Variants in ME3 observed in about 807,000 individuals in gnomAD.
ME3 encodes malic enzyme 3, also known as NADP-dependent malic enzyme, mitochondrial.
Under a neutral mutation model 68.9 loss-of-function variants are expected in ME3, and 48 were observed. The observed-to-expected ratio is 0.70, with a 90% CI of 0.55 to 0.89. The LOEUF is 0.89. Among genes scored for constraint, ME3 ranks in the 40% least tolerant of loss-of-function variants. The probability of loss-of-function intolerance (pLI) is 0.00; values close to 1 mark genes in which losing one functional copy is unlikely to be tolerated. For missense variants in ME3, 675 were observed against 797.4 expected, an observed-to-expected ratio of 0.85 and a Z score of 1.85; for synonymous variants, 320 against 318.8, an observed-to-expected ratio of 1.00 and a Z score of -0.04.
chr11:86,653,228 C>A (rs1180185476), intron 2 of ME3, among the ~76,000 whole-genome samples: 1 of 152,086 alleles, frequency 6.6e-6, no homozygotes, highest in Non-Finnish European at 1.5e-5. Context: ...TTGAACTCAC[C>A]TCTACACCAA....
At chr11:86,598,804 G>T (rs1261473819) in intron 2 of ME3, among the ~76,000 whole-genome samples, 1 of 152,186 alleles carries the variant, frequency 6.6e-6, no homozygotes. Context: ...AAAATCCACA[G>T]TTCTGCAGAC....
chr11:86,477,021 C>T (rs1951116905), intron 7 of ME3, among the ~76,000 whole-genome samples: 1 of 152,096 alleles, frequency 6.6e-6, no homozygotes, highest in Non-Finnish European at 1.5e-5. Context: ...TGGAAACTGC[C>T]TAAATTAATA....
At chr11:86,475,874 TAGAGAG>T (rs1555206746) in intron 7 of ME3, among the ~76,000 whole-genome samples, 17 of 91,474 alleles carry the variant, frequency 1.9e-4, no homozygotes, top group East Asian at 8.2e-4. Context: ...TATATATATA[TAGAGAG>T]AGAGAGAGAG....
intron 2 of ME3, among the ~76,000 whole-genome samples, chr11:86,641,057 G>T (rs1364072655): frequency 6.6e-6 from 1 of 151,008 alleles, no homozygotes; most frequent in East Asian, 1.9e-4. Flanking sequence ...GTCAATGAAG[G>T]GCATATGTGA....
chr11:86,570,220 A>C (rs982735072), intron 2 of ME3, among the ~76,000 whole-genome samples: 1 of 152,218 alleles, frequency 6.6e-6, no homozygotes, highest in African/African-American at 2.4e-5. Context: ...CTGACTGCTT[A>C]TGCTATAACC....
chr11:86,441,092 G>C (rs1593961482), downstream of ME3: 1 of 462,076 alleles, frequency 2.2e-6, no homozygotes, highest in East Asian at 3.6e-5. Context: ...GTTCAGAAAA[G>C]TGAACTCCCA....
rs759602865 is a variant in ME3, at chr11:86,559,719, A to C, written c.288T>G (p.Tyr96Ter). ...CCAGGTCACTCTGCTGCCGCTCGTAATATCTCATGATTCGGAGGAGCTGGA... is the reference window on the plus strand; with the variant it reads ...CCAGGTCACTCTGCTGCCGCTCGTACTATCTCATGATTCGGAGGAGCTGGA... Residue 96 changes from tyrosine to a stop codon, truncating the protein, a stop_gained, in exon 3 of 15, where the codon TAT becomes TAG. Transcript: ENST00000543262. LOFTEE classifies it high-confidence loss of function. 6.2e-7 allele frequency: 1 copy of C among 1,613,872 alleles called. No homozygotes were observed. Among genetic ancestry groups the C allele is most frequent in the Non-Finnish European group, 8.5e-7 (1 of 1,179,820 alleles).
chr11:86,467,095 G>A (rs1192225105), intron 7 of ME3, among the ~76,000 whole-genome samples: 2 of 152,158 alleles, frequency 1.3e-5, no homozygotes, highest in African/African-American at 4.8e-5. Flanking sequence ...TGATATATGT[G>A]TACAGTGTGA....
At chr11:86,605,090 A>T (rs554921165) in intron 2 of ME3, among the ~76,000 whole-genome samples, 138 of 152,312 alleles carry the variant, frequency 9.1e-4, no homozygotes, top group African/African-American at 3.2e-3. Context: ...ATACAAACGG[A>T]ATCATAACGT....
At chr11:86,577,280 G>A (rs1417005997) in intron 2 of ME3, among the ~76,000 whole-genome samples, 2 of 152,166 alleles carry the variant, frequency 1.3e-5, no homozygotes, top group Non-Finnish European at 2.9e-5. Flanking sequence ...GGAGGGCCTT[G>A]GAGTCACATG....
intron 2 of ME3, among the ~76,000 whole-genome samples, chr11:86,583,352 T>C (rs1029459226): frequency 1.3e-5 from 2 of 152,184 alleles, no homozygotes; most frequent in Non-Finnish European, 2.9e-5. Flanking sequence ...AAACTGCAAT[T>C]ACTTTTGCAC....
chr11:86,631,756 G>A (rs780042307), intron 2 of ME3, among the ~76,000 whole-genome samples: 8 of 152,172 alleles, frequency 5.3e-5, no homozygotes, highest in Non-Finnish European at 8.8e-5. Flanking sequence ...TTTTGAGATA[G>A]AGTTTTATTC....
intron 4 of ME3, among the ~76,000 whole-genome samples, chr11:86,521,419 A>AAAC (rs1954284686): frequency 1.2e-5 from 1 of 86,200 alleles, no homozygotes; most frequent in African/African-American, 4.5e-5. Flanking sequence ...AAAACAAAAC[A>AAAC]AAACAAAACA....
At chr11:86,603,757 A>C (rs1229514744) in intron 2 of ME3, among the ~76,000 whole-genome samples, 1 of 151,986 alleles carries the variant, frequency 6.6e-6, no homozygotes, top group African/African-American at 2.4e-5. Context: ...ATGGAATACT[A>C]TGCAGCCATA....
At chr11:86,449,340 C>T (rs1023344383) in intron 10 of ME3, among the ~76,000 whole-genome samples, 1 of 152,230 alleles carries the variant, frequency 6.6e-6, no homozygotes, top group Non-Finnish European at 1.5e-5. Flanking sequence ...ATTAATTATG[C>T]ACTTACCATG....
chr11:86,620,073 T>C (rs1201582210), intron 2 of ME3, among the ~76,000 whole-genome samples: 1 of 152,246 alleles, frequency 6.6e-6, no homozygotes, highest in African/African-American at 2.4e-5. Context: ...CATTATCTGT[T>C]TCATATTCTA....
intron 2 of ME3, among the ~76,000 whole-genome samples, chr11:86,569,271 A>G (rs1439784409): frequency 1.3e-5 from 2 of 152,172 alleles, no homozygotes; most frequent in African/African-American, 4.8e-5. Context: ...CTGCTTGTCC[A>G]TGGGCTCAGG....
rs141766266 is a variant in ME3, at chr11:86,467,015, C to A, written c.810-1815G>T. Among the ~76,000 whole-genome samples, 778 of 152,256 alleles carry A rather than the reference C, an allele frequency of 5.1e-3. 8 individuals carry two copies. Among genetic ancestry groups the A allele is most frequent in the African/African-American group, 0.017 (708 of 41,540 alleles). ...GTTAAAAGCTGAGGGTGAGGTTTTT[C>A]CCCCAGCTTTACTGAGGCATAATTG... On this transcript the variant is annotated intron_variant, in intron 7 of 14. Coordinates refer to ENST00000543262, the Ensembl canonical transcript of ME3.
intron 8 of ME3, among the ~76,000 whole-genome samples, chr11:86,458,563 A>G (rs1326557042): frequency 1.3e-5 from 2 of 152,176 alleles, no homozygotes; most frequent in East Asian, 3.8e-4. Flanking sequence ...GATCCACATG[A>G]ACTTCAGGAC....
Sources: allele counts gnomAD v4.1 joint callset (sites outside exome capture counted in the v4.1 genomes callset), GRCh38; gene constraint gnomAD v4.1.1; transcripts MANE v1.5; gene names NCBI Gene and HGNC (gene_info 2026-07-23, HGNC 2026-07-21).